WASF1: variants seen among roughly 807,000 people sequenced by gnomAD.
The protein encoded by WASF1 is WASP family member 1.
In WASF1, 7 loss-of-function variants were observed where a neutral mutation model predicts 50.5. That is an observed-to-expected ratio of 0.14 (90% confidence interval 0.08 to 0.26). WASF1 has a LOEUF of 0.26. Among genes scored for constraint, WASF1 ranks in the 10% least tolerant of loss-of-function variants. WASF1 has a pLI of 1.00. For synonymous variants in WASF1, 205 were observed against 244.0 expected, an observed-to-expected ratio of 0.84 and a Z score of 1.49; for missense variants, 470 against 694.7, an observed-to-expected ratio of 0.68 and a Z score of 3.64.
At chr6:110,111,017 T>A (rs1287908019) in intron 5 of WASF1, among the ~76,000 whole-genome samples, 1 of 152,152 alleles carries the variant, frequency 6.6e-6, no homozygotes, top group Non-Finnish European at 1.5e-5. Flanking sequence ...TTAAAATTTG[T>A]TTTTTAACAC....
chr6:110,122,134 T>C (rs566261944), intron 4 of WASF1, among the ~76,000 whole-genome samples: 1 of 151,770 alleles, frequency 6.6e-6, no homozygotes, highest in South Asian at 2.1e-4. Flanking sequence ...TGTATACCTA[T>C]GTAACAAACC....
chr6:110,113,402 G>A lies in WASF1; in HGVS notation c.192C>T (p.Phe64=). Residue 64 remains phenylalanine (F), a synonymous_variant, in exon 5 of 11, where the codon TTC becomes TTT. Transcript: ENST00000392589. ...CACGTTCTTGCAATGAGTTGACTCT[G>A]AAGGAAAAACTATGTGCTTCATTGA... ...ELFNEAHSFS[F]RVNSLQERVD... The A allele has an allele frequency of 6.2e-7, 1 of 1,604,386 alleles. No homozygotes were observed. Among genetic ancestry groups the A allele is most frequent in the Non-Finnish European group, 8.5e-7 (1 of 1,175,754 alleles).
At chr6:110,126,255 C>CT (rs1774411752) in intron 4 of WASF1, among the ~76,000 whole-genome samples, 1 of 152,042 alleles carries the variant, frequency 6.6e-6, no homozygotes, top group African/African-American at 2.4e-5. Context: ...ACTGGGAACT[C>CT]TAACACTTTT....
At chr6:110,179,340 G>T (rs1777099021) in intron 1 of WASF1, 99 bp downstream of exon 1, 1 of 152,300 alleles carries the variant, frequency 6.6e-6, no homozygotes, top group South Asian at 2.1e-4. Context: ...TCACCTTTGC[G>T]GGCCACACAC....
intron 2 of WASF1, among the ~76,000 whole-genome samples, chr6:110,174,966 A>G (rs1776863076): frequency 6.6e-6 from 1 of 152,152 alleles, no homozygotes. Flanking sequence ...AATGAAGCAA[A>G]GCAAAACAAA....
chr6:110,105,075 A>T (rs970212740), intron 8 of WASF1, among the ~76,000 whole-genome samples: 2 of 152,152 alleles, frequency 1.3e-5, no homozygotes, highest in African/African-American at 4.8e-5. Flanking sequence ...TTTCAAAAAA[A>T]CCCCAGACCC....
chr6:110,122,751 A>G (rs947946655), intron 4 of WASF1, among the ~76,000 whole-genome samples: 2 of 152,144 alleles, frequency 1.3e-5, no homozygotes, highest in African/African-American at 4.8e-5. Flanking sequence ...CATAAAATAT[A>G]CATGTTAAGC....
At chr6:110,116,700 G>A (rs1271117095) in intron 4 of WASF1, among the ~76,000 whole-genome samples, 5 of 152,192 alleles carry the variant, frequency 3.3e-5, no homozygotes, top group African/African-American at 7.2e-5. Flanking sequence ...TCTGAACTCC[G>A]AGAACGGACA....
Position 110,135,721 on chromosome 6 carries a change from CTTT to C in WASF1, c.-28-8095_-28-8093del, listed in dbSNP as rs139834112. Among the ~76,000 whole-genome samples, 651 of 73,512 alleles carry C rather than the reference CTTT, an allele frequency of 8.9e-3. 3 individuals carry two copies. The highest frequency in any genetic ancestry group is 0.029 in the African/African-American group (564 of 19,154). The allele number at this position is 73,512 out of a possible 152,430, so 48.2% of individuals were successfully genotyped here. ...GCTGACCTCAAAATAGGAAGATTAT[CTTT>C]TTTTTTTTTTTTTTTTTTTTTTACC... is the stretch of plus-strand genomic sequence containing the variant. On this transcript the variant is annotated intron_variant, in intron 3 of 10. Transcript: ENST00000392589.
At chr6:110,117,864 T>C (rs545677829) in intron 4 of WASF1, among the ~76,000 whole-genome samples, 13 of 152,266 alleles carry the variant, frequency 8.5e-5, no homozygotes, top group Non-Finnish European at 5.9e-5. Context: ...ATATTCAACA[T>C]TCTTAAAGAA....
At chr6:110,100,710 A>T in intron 10 of WASF1, 31 bp from the exon 11 acceptor site, 1 of 1,571,098 alleles carries the variant, frequency 6.4e-7, no homozygotes, top group Non-Finnish European at 8.6e-7. Flanking sequence ...CATTCATTTA[A>T]ATCAAAATAC....
At chr6:110,174,172 T>C (rs1246102497) in intron 2 of WASF1, among the ~76,000 whole-genome samples, 1 of 152,108 alleles carries the variant, frequency 6.6e-6, no homozygotes, top group African/African-American at 2.4e-5. Flanking sequence ...TTCTTTGAAT[T>C]CTCTTCCTTT....
chr6:110,170,977 C>T (rs1297854277), intron 2 of WASF1, among the ~76,000 whole-genome samples: 1 of 152,132 alleles, frequency 6.6e-6, no homozygotes, highest in Admixed American at 6.5e-5. Context: ...GAAACATGAA[C>T]TCATGATCAC....
intron 4 of WASF1, among the ~76,000 whole-genome samples, chr6:110,124,270 CTCTCTATATATATATATATATATA>C (rs1774312667): frequency 5.7e-5 from 3 of 52,510 alleles, no homozygotes; most frequent in African/African-American, 3.3e-4. Context: ...CTCTCTCTCT[CTCTCTATATATATATATATATATA>C]TATATATATA....
At chr6:110,104,809 T>C (rs1019751196) in intron 8 of WASF1, among the ~76,000 whole-genome samples, 19 of 152,116 alleles carry the variant, frequency 1.2e-4, no homozygotes, top group African/African-American at 4.6e-4. Flanking sequence ...AACAAACGTA[T>C]GACTATACCC....
At chr6:110,124,306 A>G (rs1211109763) in intron 4 of WASF1, among the ~76,000 whole-genome samples, 2 of 109,992 alleles carry the variant, frequency 1.8e-5, no homozygotes, top group South Asian at 3.0e-4. Flanking sequence ...ATATATATAT[A>G]TATGCCCTTG....
At chr6:110,163,287 A>G (rs1041682416) in intron 2 of WASF1, among the ~76,000 whole-genome samples, 2 of 151,618 alleles carry the variant, frequency 1.3e-5, no homozygotes, top group Non-Finnish European at 3.0e-5. Context: ...GGCTGCTATA[A>G]TGAAGTACCA....
chr6:110,133,440 T>A (rs1774792154), intron 3 of WASF1, among the ~76,000 whole-genome samples: 1 of 152,184 alleles, frequency 6.6e-6, no homozygotes, highest in Admixed American at 6.5e-5. Context: ...GTAGATCTAC[T>A]TTTAGTTCTT....
chr6:110,179,096 G>C (rs564351591), intron 1 of WASF1, among the ~76,000 whole-genome samples: 7 of 152,352 alleles, frequency 4.6e-5, no homozygotes, highest in African/African-American at 1.7e-4. Context: ...AAGAGGCACG[G>C]GGCGGACCGC....
Sources: allele counts gnomAD v4.1 joint callset (sites outside exome capture counted in the v4.1 genomes callset), GRCh38; gene constraint gnomAD v4.1.1; transcripts MANE v1.5; gene names NCBI Gene and HGNC (gene_info 2026-07-23, HGNC 2026-07-21).